The following BANK1 variants were observed in gnomAD, a reference collection of about 807,000 sequenced individuals.
The protein encoded by BANK1 is B cell scaffold protein with ankyrin repeats 1, also known as B-cell scaffold protein with ankyrin repeats.
In BANK1, 95 loss-of-function variants were observed where a neutral mutation model predicts 94.5. That is an observed-to-expected ratio of 1.00 (90% CI 0.85 to 1.19). BANK1 has a LOEUF of 1.19. Ranked by LOEUF, BANK1 falls within the 50% of genes most tolerant of loss-of-function variation. The pLI is 0.00. For synonymous variants in BANK1, 334 were observed against 308.4 expected, an observed-to-expected ratio of 1.08 and a Z score of -0.87; for missense variants, 987 against 932.2, an observed-to-expected ratio of 1.06 and a Z score of -0.77.
chr4:102,047,084 A>T (rs1225988156), intron 11 of BANK1, among the ~76,000 whole-genome samples: 2 of 152,160 alleles, frequency 1.3e-5, no homozygotes, highest in African/African-American at 4.8e-5. Flanking sequence ...CATTGTGAAG[A>T]TGGCTGGGAA....
In BANK1 at chr4:101,918,035, C is replaced by A. The variant is rs141670623; in HGVS notation, c.1052C>A (p.Ala351Glu). 60 of 1,611,234 alleles carry A rather than the reference C, an allele frequency of 3.7e-5. No homozygotes were observed. Among genetic ancestry groups the A allele is most frequent in the Non-Finnish European group, 4.8e-5 (57 of 1,178,250 alleles). The change falls in exon 7 of 17, where the codon GCA becomes GAA. Residue 351 changes from alanine (A) to glutamate (E), a missense_variant. Coordinates refer to ENST00000322953, the MANE Select transcript of BANK1 (RefSeq NM_017935.5). ...CTTCCAACTCTTCTCCACTGTGCAGCAAAATTTGGCTTAAAGAACCTGGCT... is the reference window on the plus strand; with the variant it reads ...CTTCCAACTCTTCTCCACTGTGCAGAAAAATTTGGCTTAAAGAACCTGGCT... ...KELPTLLHCAAKFGLKNLAIH... is the reference protein window; with the variant it reads ...KELPTLLHCAEKFGLKNLAIH...
intron 2 of BANK1, among the ~76,000 whole-genome samples, chr4:101,854,414 A>T (rs992289889): frequency 6.6e-6 from 1 of 152,188 alleles, no homozygotes; most frequent in Non-Finnish European, 1.5e-5. Flanking sequence ...GAGATTCAAA[A>T]TTTACATTAG....
chr4:102,068,309 A>G (rs1728653876), intron 13 of BANK1, among the ~76,000 whole-genome samples: 1 of 152,158 alleles, frequency 6.6e-6, no homozygotes, highest in Non-Finnish European at 1.5e-5. Flanking sequence ...CTTCAAAAAG[A>G]GGTAAGAGGA....
intron 7 of BANK1, among the ~76,000 whole-genome samples, chr4:101,977,947 TTTTGTTTGTTTG>T (rs147236980): frequency 6.7e-6 from 1 of 150,130 alleles, no homozygotes; most frequent in Non-Finnish European, 1.5e-5. Context: ...AATTTAGGGG[TTTTGTTTGTTTG>T]TTTGTTTGTT....
chr4:101,928,792 A>G (rs879755236), intron 7 of BANK1, among the ~76,000 whole-genome samples: 2 of 151,674 alleles, frequency 1.3e-5, no homozygotes, highest in African/African-American at 2.4e-5. Flanking sequence ...GTGCAACTAC[A>G]ATAGCATTGT....
chr4:101,927,045 G>A (rs1336207476), intron 7 of BANK1, among the ~76,000 whole-genome samples: 1 of 151,692 alleles, frequency 6.6e-6, no homozygotes, highest in Non-Finnish European at 1.5e-5. Flanking sequence ...ATTCTGAGAG[G>A]CATTGTATTT....
At chr4:101,854,705 A>C (rs1341961914) in intron 2 of BANK1, among the ~76,000 whole-genome samples, 3 of 152,142 alleles carry the variant, frequency 2.0e-5, no homozygotes, top group Non-Finnish European at 4.4e-5. Context: ...GTCATGGAAA[A>C]CAAATGGTTT....
At chr4:101,946,691 G>A (rs2148912480) in intron 7 of BANK1, among the ~76,000 whole-genome samples, 1 of 152,024 alleles carries the variant, frequency 6.6e-6, no homozygotes, top group African/African-American at 2.4e-5. Flanking sequence ...AAAACATAGG[G>A]ACTACTCCTG....
At chr4:101,823,003 TATG>T (rs1252122793) in intron 1 of BANK1, among the ~76,000 whole-genome samples, 1 of 152,190 alleles carries the variant, frequency 6.6e-6, no homozygotes, top group Non-Finnish European at 1.5e-5. Flanking sequence ...AGTGAACATT[TATG>T]TGCATGTGTC....
intron 11 of BANK1, among the ~76,000 whole-genome samples, chr4:102,049,681 TA>T (rs1248791640): frequency 6.6e-6 from 1 of 152,168 alleles, no homozygotes; most frequent in Non-Finnish European, 1.5e-5. Context: ...AGGTAGTTGT[TA>T]AACTGTCTCT....
At chr4:101,887,919 T>A (rs1728913546) in intron 5 of BANK1, among the ~76,000 whole-genome samples, 3 of 152,212 alleles carry the variant, frequency 2.0e-5, no homozygotes, top group Admixed American at 1.3e-4. Context: ...ATAAAGTTTT[T>A]AAAAAATCTT....
At chr4:101,862,279 T>G (rs368969810) in intron 3 of BANK1, among the ~76,000 whole-genome samples, 1 of 152,088 alleles carries the variant, frequency 6.6e-6, no homozygotes, top group Non-Finnish European at 1.5e-5. Flanking sequence ...ATACTGTTTC[T>G]TTAAGTTGCA....
intron 7 of BANK1, among the ~76,000 whole-genome samples, chr4:101,986,103 C>T (rs1207350697): frequency 6.6e-6 from 1 of 152,056 alleles, no homozygotes; most frequent in Non-Finnish European, 1.5e-5. Flanking sequence ...TCTTACTGAT[C>T]CATAAACAAG....
intron 1 of BANK1, among the ~76,000 whole-genome samples, chr4:101,811,432 A>G (rs1725727940): frequency 1.3e-5 from 2 of 152,164 alleles, no homozygotes; most frequent in South Asian, 4.1e-4. Context: ...TCTTATAAAA[A>G]TAATGTTTAC....
At chr4:101,900,574 G>A (rs1217394890) in intron 6 of BANK1, among the ~76,000 whole-genome samples, 2 of 152,120 alleles carry the variant, frequency 1.3e-5, no homozygotes, top group Non-Finnish European at 2.9e-5. Context: ...GAGCTTGGTA[G>A]CTCTTTGAAA....
intron 2 of BANK1, among the ~76,000 whole-genome samples, chr4:101,852,226 G>A (rs1385273099): frequency 6.6e-6 from 1 of 151,540 alleles, no homozygotes; most frequent in African/African-American, 2.4e-5. Flanking sequence ...GCATTTATAT[G>A]TTGTAGAGTA....
chr4:101,944,643 GC>G (rs1723871165), intron 7 of BANK1, among the ~76,000 whole-genome samples: 1 of 152,050 alleles, frequency 6.6e-6, no homozygotes, highest in Admixed American at 6.6e-5. Flanking sequence ...CAAGAGCAGA[GC>G]CCTTCAAAGG....
chr4:101,875,047 G>A (rs1252907669), intron 5 of BANK1, among the ~76,000 whole-genome samples: 1 of 152,142 alleles, frequency 6.6e-6, no homozygotes, highest in African/African-American at 2.4e-5. Flanking sequence ...TTTATCAACT[G>A]TCTATATAAG....
intron 2 of BANK1, among the ~76,000 whole-genome samples, chr4:101,851,903 C>T (rs762373814): frequency 2.6e-5 from 4 of 152,124 alleles, no homozygotes; most frequent in Non-Finnish European, 5.9e-5. Flanking sequence ...TATCTCTGTT[C>T]CAAATTAGGT....
Sources: gnomAD v4.1 joint callset for allele counts (sites outside exome capture counted in the v4.1 genomes callset) on GRCh38, gnomAD v4.1.1 for gene constraint, MANE v1.5 for transcripts, NCBI Gene and HGNC (gene_info 2026-07-23, HGNC 2026-07-21) for gene names.